CAMTA1: variants seen among roughly 807,000 people sequenced by gnomAD.
The protein encoded by CAMTA1 is calmodulin binding transcription activator 1.
Under a neutral mutation model 170.9 loss-of-function variants are expected in CAMTA1, and 27 were observed. The ratio of observed to expected loss-of-function variants is 0.16; its 90% CI spans 0.12 to 0.22. The LOEUF (loss-of-function observed/expected upper bound fraction) is 0.22. CAMTA1 is among the 10% of genes least tolerant of loss of function. The pLI is 1.00. For missense variants in CAMTA1, 1,619 were observed against 2,217.2 expected, an observed-to-expected ratio of 0.73 and a Z score of 5.42; for synonymous variants, 833 against 891.5, an observed-to-expected ratio of 0.93 and a Z score of 1.17.
intron 5 of CAMTA1, among the ~76,000 whole-genome samples, chr1:7,358,530 G>A (rs1431652644): frequency 6.8e-6 from 1 of 146,904 alleles, no homozygotes; most frequent in Non-Finnish European, 1.5e-5. Flanking sequence ...CTCCTCCAGC[G>A]TCCCTGCATG....
At chr1:7,051,421 G>A (rs996846481) in intron 3 of CAMTA1, among the ~76,000 whole-genome samples, 16 of 152,154 alleles carry the variant, frequency 1.1e-4, no homozygotes, top group African/African-American at 4.8e-5. Context: ...CCCACTCTTC[G>A]CTACATCCTG....
At chr1:7,614,102 T>G in intron 6 of CAMTA1, among the ~76,000 whole-genome samples, 1 of 146,450 alleles carries the variant, frequency 6.8e-6, no homozygotes, top group Non-Finnish European at 1.5e-5. Flanking sequence ...GGGGCAGGCC[T>G]GACCCAGAGG....
At chr1:6,932,612 C>T (rs543816654) in intron 3 of CAMTA1, among the ~76,000 whole-genome samples, 4 of 152,314 alleles carry the variant, frequency 2.6e-5, no homozygotes, top group East Asian at 3.9e-4. Context: ...ATCCCCACTG[C>T]GGGGTATGAG....
intron 6 of CAMTA1, among the ~76,000 whole-genome samples, chr1:7,549,947 AGAGACAGAGGT>A (rs1398481138): frequency 6.6e-6 from 1 of 152,108 alleles, no homozygotes; most frequent in Non-Finnish European, 1.5e-5. Context: ...GAGGAACATA[AGAGACAGAGGT>A]TAGGGGCTCT....
At chr1:7,162,974 G>C (rs1482121200) in intron 4 of CAMTA1, among the ~76,000 whole-genome samples, 1 of 152,098 alleles carries the variant, frequency 6.6e-6, no homozygotes, top group East Asian at 1.9e-4. Flanking sequence ...TCCTGCCATG[G>C]AAAATAGATT....
intron 21 of CAMTA1, 116 bp from the exon 22 acceptor site, chr1:7,755,522 C>A (rs939274699): frequency 5.9e-6 from 5 of 845,834 alleles, no homozygotes; most frequent in South Asian, 1.5e-5. Context: ...CCTTTTCTTT[C>A]TTTCCAAAAA....
At chr1:7,233,426 T>C (rs56254683) in intron 4 of CAMTA1, among the ~76,000 whole-genome samples, 4,686 of 152,294 alleles carry the variant, frequency 0.031, 178 homozygotes, top group African/African-American at 0.09. Flanking sequence ...CTTTCTTGAC[T>C]ATAGTGTTGA....
chr1:7,463,147 G>A lies in CAMTA1; in HGVS notation c.439-4683G>A, dbSNP rs915761465. 3.9e-5 allele frequency among the ~76,000 whole-genome samples: 6 copies of A among 152,220 alleles called. No homozygotes were observed. Among genetic ancestry groups the A allele is most frequent in the East Asian group, 1.9e-4 (1 of 5,186 alleles). ...CACGGGGAGGGCTGCCCTGTGGCCC[G>A]CTGTGACCTTCAGGCCCCATCTGCT... On this transcript the variant is annotated intron_variant, in intron 5 of 22. Transcript: ENST00000303635. This position sits in a 1 kb window ranked among gnomAD's most constrained non-coding sequence, Gnocchi z 4.7.
chr1:7,318,690 G>A (rs1488969282), intron 5 of CAMTA1, among the ~76,000 whole-genome samples: 1 of 152,176 alleles, frequency 6.6e-6, no homozygotes, highest in Non-Finnish European at 1.5e-5. Context: ...ATAAAATGTT[G>A]CAGAGGGAGA....
intron 5 of CAMTA1, among the ~76,000 whole-genome samples, chr1:7,265,196 TGTG>T (rs982445495): frequency 6.6e-6 from 1 of 152,204 alleles, no homozygotes; most frequent in African/African-American, 2.4e-5. Flanking sequence ...ATGAGCCACA[TGTG>T]GTGGTGAGTC....
intron 22 of CAMTA1, among the ~76,000 whole-genome samples, chr1:7,763,604 A>G (rs1440655404): frequency 6.6e-6 from 1 of 152,222 alleles, no homozygotes; most frequent in Non-Finnish European, 1.5e-5. Context: ...CTGCAAAAAC[A>G]AATGTGACCA....
At chr1:7,597,212 C>T (rs1349118687) in intron 6 of CAMTA1, among the ~76,000 whole-genome samples, 2 of 152,192 alleles carry the variant, frequency 1.3e-5, no homozygotes, top group Non-Finnish European at 2.9e-5. Context: ...CTGCACATGA[C>T]CTTGGGCAAG....
intron 5 of CAMTA1, among the ~76,000 whole-genome samples, chr1:7,394,872 C>T (rs1191244429): frequency 4.8e-5 from 4 of 82,630 alleles, no homozygotes; most frequent in Non-Finnish European, 1.3e-4. Flanking sequence ...TGTGGTGTTT[C>T]TTTTTTTTTC....
intron 4 of CAMTA1, among the ~76,000 whole-genome samples, chr1:7,125,883 A>C (rs1442013579): frequency 6.6e-6 from 1 of 152,174 alleles, no homozygotes; most frequent in Non-Finnish European, 1.5e-5. Flanking sequence ...CCCAACGCCC[A>C]GTGTGTTAGT....
chr1:7,517,436 A>C (rs774505652), intron 6 of CAMTA1, among the ~76,000 whole-genome samples: 2 of 152,118 alleles, frequency 1.3e-5, no homozygotes, highest in Non-Finnish European at 2.9e-5. Context: ...CTGTTCTGAT[A>C]ATGGCAAGGA....
chr1:7,296,546 GTGGGAAT>G (rs1055540275), intron 5 of CAMTA1, among the ~76,000 whole-genome samples: 1 of 152,344 alleles, frequency 6.6e-6, no homozygotes, highest in Non-Finnish European at 1.5e-5. Flanking sequence ...TAATTTGGGT[GTGGGAAT>G]AAGGTGAAAG....
At chr1:7,301,598 C>T (rs1674771096) in intron 5 of CAMTA1, among the ~76,000 whole-genome samples, 1 of 152,048 alleles carries the variant, frequency 6.6e-6, no homozygotes, top group African/African-American at 2.4e-5. Context: ...TGGATGTAAC[C>T]AGATCTCGGG....
At chr1:6,852,686 C>T (rs1037654415) in intron 3 of CAMTA1, among the ~76,000 whole-genome samples, 25 of 152,374 alleles carry the variant, frequency 1.6e-4, no homozygotes, top group Admixed American at 3.9e-4. Context: ...GTGAGTCACC[C>T]TCCCAGCTCC....
At chr1:6,864,136 C>T (rs1030548503) in intron 3 of CAMTA1, among the ~76,000 whole-genome samples, 30 of 152,174 alleles carry the variant, frequency 2.0e-4, no homozygotes, top group African/African-American at 6.5e-4. Flanking sequence ...GATCACCTGG[C>T]TGAGGTAGTG....
Sources: gnomAD v4.1 joint callset for allele counts (sites outside exome capture counted in the v4.1 genomes callset) on GRCh38, gnomAD v4.1.1 for gene constraint, Gnocchi (gnomAD v3.1) non-coding constraint, MANE v1.5 for transcripts, NCBI Gene and HGNC (gene_info 2026-07-23, HGNC 2026-07-21) for gene names.